UBN2: variants seen among roughly 807,000 people sequenced by gnomAD.
UBN2 encodes ubinuclein-2.
Under a neutral mutation model 120.2 loss-of-function variants are expected in UBN2, and 35 were observed. That is an observed-to-expected ratio of 0.29 (90% CI 0.22 to 0.39). UBN2 has a LOEUF of 0.39. Among genes scored for constraint, UBN2 ranks in the 10% least tolerant of loss-of-function variants. UBN2 has a pLI of 1.00. For synonymous variants in UBN2, 661 were observed against 648.7 expected, an observed-to-expected ratio of 1.02 and a Z score of -0.29; for missense variants, 1,693 against 1,663.2, an observed-to-expected ratio of 1.02 and a Z score of -0.31.
At chr7:139,234,583 A>T (rs1324294100) in intron 1 of UBN2, among the ~76,000 whole-genome samples, 2 of 152,182 alleles carry the variant, frequency 1.3e-5, no homozygotes, top group Non-Finnish European at 2.9e-5. Flanking sequence ...CTGGCATTGG[A>T]ATCATCTCTA....
At chr7:139,258,869 T>A in intron 4 of UBN2, among the ~76,000 whole-genome samples, 1 of 152,196 alleles carries the variant, frequency 6.6e-6, no homozygotes, top group East Asian at 1.9e-4. Context: ...ATTTACTGTT[T>A]CTGGGAGAAG....
intron 2 of UBN2, among the ~76,000 whole-genome samples, chr7:139,237,921 G>C (rs949676598): frequency 6.6e-6 from 1 of 152,130 alleles, no homozygotes; most frequent in Non-Finnish European, 1.5e-5. Context: ...AAAGTGTCCG[G>C]TTTATGCTAA....
chr7:139,273,219 C>A, intron 9 of UBN2, 78 bp from the exon 10 acceptor site: 1 of 843,442 alleles, frequency 1.2e-6, no homozygotes, highest in South Asian at 2.5e-5. Context: ...TTAAGCAATT[C>A]AGCAAGTATT....
chr7:139,287,710 A>G (rs1374941009), intron 15 of UBN2, among the ~76,000 whole-genome samples: 5 of 151,484 alleles, frequency 3.3e-5, no homozygotes, highest in Non-Finnish European at 5.9e-5. Flanking sequence ...TGACTGAAGA[A>G]AAGATTAATA....
the UBN2 span, among the ~76,000 whole-genome samples, chr7:139,321,187 T>C: frequency 6.6e-6 from 1 of 152,188 alleles, no homozygotes; most frequent in Non-Finnish European, 1.5e-5. Flanking sequence ...TCACAGCTCA[T>C]GCTGAGATTG....
At chr7:139,251,603 A>G (rs1325845068) in intron 2 of UBN2, among the ~76,000 whole-genome samples, 1 of 152,190 alleles carries the variant, frequency 6.6e-6, no homozygotes, top group Non-Finnish European at 1.5e-5. Flanking sequence ...TCTCAGGGTT[A>G]GGCTGGGGTT....
In UBN2 at chr7:139,304,036, A is replaced by G. The variant is rs1798316019; in HGVS notation, c.*6200A>G. The G allele has an allele frequency of 6.6e-6, 1 of 152,090 alleles. No homozygotes were observed. Among genetic ancestry groups the G allele is most frequent in the South Asian group, 2.1e-4 (1 of 4,814 alleles). 9.4% of individuals were successfully genotyped at this position (152,090 alleles called of 1,614,324 possible). A position where few individuals can be genotyped will look rare whatever the true frequency, so the allele number is the denominator to read the frequency against. On this transcript the variant is annotated 3_prime_UTR_variant, in exon 18 of 18. Coordinates refer to ENST00000473989, the MANE Select transcript of UBN2 (RefSeq NM_173569.4). The stretch of plus-strand genomic sequence containing the variant: ...CATCTTCTCAGTCTAATTTCCTTTT[A>G]TTGCTTGTTTGAGGACGGATAGCTA...
At chr7:139,256,194 T>C (rs1028369524) in intron 3 of UBN2, among the ~76,000 whole-genome samples, 5 of 152,198 alleles carry the variant, frequency 3.3e-5, no homozygotes, top group Admixed American at 6.5e-5. Context: ...AAAACAGACT[T>C]TGAGCACATC....
chr7:139,231,587 C>A lies in UBN2; in HGVS notation c.103C>A (p.Pro35Thr), dbSNP rs1013824506. Residue 35 changes from proline to threonine, a missense_variant, in exon 1 of 18, where the codon CCC becomes ACC. Physicochemically the swap from Pro to Thr is conservative, Grantham distance 38. This residue lies in a region of UBN2 where 663 missense variants were observed against 591.2 expected (regional missense o/e 1.12). Transcript: ENST00000473989. ...GCGTGAGCCCGAGTACCCCCGCGAG[C>A]CCCCCCGGCTGGAGCCGCAGCCGTA... ...PEREPEYPRE[P>T]PRLEPQPYRE... 7.2e-6 allele frequency: 10 copies of A among 1,390,052 alleles called. No individual in the cohort carries two copies. The highest frequency in any genetic ancestry group is 3.1e-5 in the East Asian group (1 of 32,582). 86.1% of individuals were successfully genotyped at this position (1,390,052 alleles called of 1,614,324 possible). A position where few individuals can be genotyped will look rare whatever the true frequency, so the allele number is the denominator to read the frequency against.
intron 2 of UBN2, among the ~76,000 whole-genome samples, chr7:139,246,714 C>T (rs1796479542): frequency 6.6e-6 from 1 of 152,164 alleles, no homozygotes; most frequent in South Asian, 2.1e-4. Context: ...ATCTGTCCCT[C>T]CAAACTTAGC....
At chr7:139,327,099 T>A in the UBN2 span, among the ~76,000 whole-genome samples, 2 of 152,248 alleles carry the variant, frequency 1.3e-5, no homozygotes, top group Admixed American at 1.3e-4. Flanking sequence ...AATGGCGCGA[T>A]CTCAGCTCAC....
intron 15 of UBN2, among the ~76,000 whole-genome samples, chr7:139,290,518 C>G (rs1309834341): frequency 6.6e-6 from 1 of 152,036 alleles, no homozygotes; most frequent in Non-Finnish European, 1.5e-5. Context: ...AGGTTTCAGG[C>G]CTAAGGGACT....
At chr7:139,282,930 G>T in intron 14 of UBN2, 94 bp from the exon 15 acceptor site, 1 of 1,120,662 alleles carries the variant, frequency 8.9e-7, no homozygotes, top group Non-Finnish European at 1.2e-6. Flanking sequence ...AAAAACAATT[G>T]TAATTGTCAT....
At chr7:139,257,440 G>T (rs1584999656) in intron 3 of UBN2, among the ~76,000 whole-genome samples, 2 of 151,844 alleles carry the variant, frequency 1.3e-5, no homozygotes, top group Admixed American at 6.6e-5. Flanking sequence ...ACAGAGTCTC[G>T]CTGTGTCACC....
the UBN2 span, among the ~76,000 whole-genome samples, chr7:139,325,569 G>A: frequency 1.4e-4 from 21 of 152,164 alleles, 1 homozygote; most frequent in East Asian, 1.7e-3. Flanking sequence ...ATGCCCGGCC[G>A]AAATCACTGC....
Position 139,261,371 on chromosome 7 carries a change from C to T in UBN2, c.1025C>T (p.Ser342Phe), listed in dbSNP as rs1796927776. 1 of 1,614,180 alleles carries T rather than the reference C, an allele frequency of 6.2e-7. No homozygotes were observed. Among genetic ancestry groups the T allele is most frequent in the African/African-American group, 1.3e-5 (1 of 75,044 alleles). Reference protein sequence around the residue: ...QKEKDALKKESNPKVPVTLST... With the variant: ...QKEKDALKKEFNPKVPVTLST... Reference sequence around the variant, plus strand: ...GAGAAGGATGCATTAAAGAAGGAGTCTAACCCCAAAGTCCCAGTGACCTTG... The same window carrying T: ...GAGAAGGATGCATTAAAGAAGGAGTTTAACCCCAAAGTCCCAGTGACCTTG... Residue 342 changes from serine to phenylalanine, a missense_variant, in exon 6 of 18, where the codon TCT becomes TTT. Coordinates refer to ENST00000473989, the MANE Select transcript of UBN2 (RefSeq NM_173569.4).
rs1354943175 is a variant in UBN2, at chr7:139,284,233, G to A, written c.3328G>A (p.Val1110Ile). 1.2e-6 allele frequency: 2 copies of A among 1,614,106 alleles called. No individual in the cohort carries two copies. The highest frequency in any genetic ancestry group is 1.3e-5 in the African/African-American group (1 of 75,016). The change falls in exon 15 of 18, where the codon GTC becomes ATC. Residue 1110 changes from valine (V) to isoleucine (I), a missense_variant. This residue lies in a region of UBN2 where 837 missense variants were observed against 817.6 expected (regional missense o/e 1.02). Transcript: ENST00000473989. ...TAGCCACTCCAGCACTAACAGCCCA[G>A]TCCATAAACAGCCCAGTGGAATGAA... is the stretch of plus-strand genomic sequence containing the variant. The part of the protein sequence containing the change: ...QGSHSSTNSP[V>I]HKQPSGMNIS...
intron 6 of UBN2, among the ~76,000 whole-genome samples, chr7:139,262,797 A>G (rs1209383465): frequency 6.6e-6 from 1 of 152,090 alleles, no homozygotes; most frequent in Non-Finnish European, 1.5e-5. Flanking sequence ...ATTATTAAAC[A>G]GCGGGATTCA....
chr7:139,245,803 C>G (rs1796454429), intron 2 of UBN2, among the ~76,000 whole-genome samples: 1 of 152,066 alleles, frequency 6.6e-6, no homozygotes, highest in African/African-American at 2.4e-5. Flanking sequence ...AGGAGACTAT[C>G]CCAGATGGGG....
Sources: allele counts gnomAD v4.1 joint callset (sites outside exome capture counted in the v4.1 genomes callset), GRCh38; gene constraint gnomAD v4.1.1; regional missense constraint gnomAD v4.1.1; transcripts MANE v1.5; gene names NCBI Gene and HGNC (gene_info 2026-07-23, HGNC 2026-07-21).